The following ANKLE2 variants were observed in gnomAD, a reference collection of about 807,000 sequenced individuals.
The protein encoded by ANKLE2 is ankyrin repeat and LEM domain-containing protein 2.
ANKLE2 carries 55 observed loss-of-function variants against 84.2 expected under a neutral mutation model. The observed-to-expected ratio is 0.65, with a 90% CI of 0.53 to 0.82. The LOEUF (loss-of-function observed/expected upper bound fraction) is 0.82. Among genes scored for constraint, ANKLE2 ranks in the 40% least tolerant of loss-of-function variants. The pLI, the probability that ANKLE2 is intolerant of heterozygous loss-of-function variation, is 0.00. For synonymous variants in ANKLE2, 551 were observed against 486.1 expected (o/e 1.13, Z -1.76); for missense variants, 1,238 against 1,201.9 (o/e 1.03, Z -0.44).
rs542580596 is a variant in ANKLE2, at chr12:132,741,493, A to G, written c.1354-8T>C. The G allele has an allele frequency of 6.8e-6, 11 of 1,607,564 alleles. No homozygotes were observed. Among genetic ancestry groups the G allele is most frequent in the Middle Eastern group, 1.7e-4 (1 of 6,042 alleles). The stretch of plus-strand genomic sequence containing the variant: ...GCTTCTTTCACAAATTACCTATTGG[A>G]AAAAAAAGTGTGTCTAAATCTTATT... On this transcript the variant is annotated splice_polypyrimidine_tract_variant and splice_region_variant and intron_variant, in intron 6 of 12. Transcript: ENST00000357997.
Position 132,729,965 on chromosome 12 carries a change from TC to T in ANKLE2, c.2196del (p.Thr733LeufsTer7). ...EEAHLPPVSD[L>X]TVEFDKLNLQ... is the part of the protein sequence containing the mutation. The stretch of plus-strand genomic sequence containing the variant: ...AAATTCAGTTTATCAAACTCAACAG[TC>T]AAATCCGAGACAGGTGGCAGATGGG... On this transcript the variant is annotated frameshift_variant, in exon 11 of 13. Transcript: ENST00000357997. LOFTEE classifies it high-confidence loss of function. 6.2e-7 allele frequency: 1 copy of T among 1,613,416 alleles called. No homozygotes were observed. Among genetic ancestry groups the T allele is most frequent in the Non-Finnish European group, 8.5e-7 (1 of 1,179,918 alleles).
chr12:132,744,047 T>C (rs1479670922), intron 5 of ANKLE2, among the ~76,000 whole-genome samples: 1 of 152,196 alleles, frequency 6.6e-6, no homozygotes, highest in Non-Finnish European at 1.5e-5. Flanking sequence ...TCTCCGTCCA[T>C]GACGCTGCGT....
chr12:132,732,723 T>C (rs2043903239), intron 10 of ANKLE2, among the ~76,000 whole-genome samples: 4 of 116,862 alleles, frequency 3.4e-5, no homozygotes, highest in Admixed American at 1.7e-4. Flanking sequence ...TGAAGCTCTC[T>C]GCGTCCTGGT....
intron 8 of ANKLE2, 108 bp downstream of exon 8, chr12:132,736,785 A>G: frequency 7.5e-7 from 1 of 1,335,750 alleles, no homozygotes; most frequent in Admixed American, 2.4e-5. Flanking sequence ...TTGGGGCTCC[A>G]CAGGACATGG....
intron 1 of ANKLE2, chr12:132,761,385 G>C: frequency 2.9e-6 from 1 of 339,254 alleles, no homozygotes; most frequent in Middle Eastern, 8.2e-4. Flanking sequence ...GCCCGGGAAA[G>C]CTCTCACCCC....
At chr12:132,752,148 C>CT (rs1035192839) in intron 2 of ANKLE2, among the ~76,000 whole-genome samples, 1 of 150,874 alleles carries the variant, frequency 6.6e-6, no homozygotes, top group African/African-American at 2.4e-5. Context: ...TGAGACCAGC[C>CT]TGACCAACGT....
intron 11 of ANKLE2, among the ~76,000 whole-genome samples, 176 bp from the exon 12 acceptor site, chr12:132,728,339 C>T (rs1246846461): frequency 2.0e-5 from 3 of 152,160 alleles, no homozygotes; most frequent in Non-Finnish European, 2.9e-5. Flanking sequence ...AAGCAATTCT[C>T]TGCCTCAGCC....
intron 3 of ANKLE2, among the ~76,000 whole-genome samples, chr12:132,749,219 G>C (rs773041495): frequency 1.3e-5 from 2 of 152,096 alleles, no homozygotes; most frequent in Non-Finnish European, 2.9e-5. Context: ...GCAGTGGCGC[G>C]ATCTCAGCTC....
chr12:132,740,564 G>A (rs1374608449), intron 7 of ANKLE2, among the ~76,000 whole-genome samples: 1 of 152,074 alleles, frequency 6.6e-6, no homozygotes, highest in Non-Finnish European at 1.5e-5. Context: ...AAGCAGGCAG[G>A]TGGGTGAAAG....
intron 1 of ANKLE2, chr12:132,759,519 A>G (rs1323040002): frequency 7.1e-6 from 1 of 139,868 alleles, no homozygotes; most frequent in East Asian, 2.1e-4. Context: ...GACTATATAT[A>G]TGTATACTAT....
intron 1 of ANKLE2, chr12:132,760,991 G>C (rs2044612476): frequency 6.6e-6 from 1 of 152,296 alleles, no homozygotes; most frequent in Admixed American, 6.5e-5. Context: ...GGGATTTCAA[G>C]AGTTGTATGC....
intron 1 of ANKLE2, chr12:132,757,241 T>C (rs1042673740): frequency 7.9e-5 from 12 of 152,224 alleles, no homozygotes; most frequent in African/African-American, 2.4e-4. Context: ...AAGCAAATAA[T>C]TGGAATACAC....
chr12:132,753,565 A>T (rs2044407297), intron 2 of ANKLE2, among the ~76,000 whole-genome samples: 1 of 152,120 alleles, frequency 6.6e-6, no homozygotes, highest in Admixed American at 6.6e-5. Context: ...GGGGTTCGAG[A>T]CCAGCTTGGC....
At position 132,726,681 on chromosome 12, in the gene ANKLE2, C is replaced by T. The variant is rs1399834695; in HGVS notation, c.*561G>A. The T allele has an allele frequency of 6.6e-6, 1 of 152,484 alleles. No individual in the cohort carries two copies. Among genetic ancestry groups the T allele is most frequent in the African/African-American group, 2.4e-5 (1 of 41,464 alleles). The allele number at this position is 152,484 out of a possible 1,614,324, so 9.4% of individuals were successfully genotyped here. ...GTTGCTGCAAGTCTGAGGCGCGCTC[C>T]TGGCTCCCTGATCCCTGCCGTCCAC... On this transcript the variant is annotated 3_prime_UTR_variant, in exon 13 of 13. Coordinates refer to ENST00000357997, the MANE Select transcript of ANKLE2 (RefSeq NM_015114.3).
chr12:132,730,331 C>T (rs957119378), intron 10 of ANKLE2, 61 bp from the exon 11 acceptor site: 10 of 1,356,720 alleles, frequency 7.4e-6, no homozygotes, highest in East Asian at 2.3e-5. Context: ...GGAGCTGCTC[C>T]GCCCCATCCA....
intron 9 of ANKLE2, chr12:132,734,791 G>A (rs918070381): frequency 2.8e-5 from 15 of 540,088 alleles, no homozygotes; most frequent in Non-Finnish European, 9.6e-6. Flanking sequence ...CAGCTCTCAG[G>A]AGCCGTGAAC....
chr12:132,728,184 A>G (rs533731599), intron 11 of ANKLE2, 21 bp from the exon 12 acceptor site: 3 of 1,603,070 alleles, frequency 1.9e-6, no homozygotes, highest in Non-Finnish European at 2.5e-6. Flanking sequence ...CAATAAAAGA[A>G]GCAAAAACAT....
At chr12:132,751,968 T>C (rs1566034395) in intron 2 of ANKLE2, among the ~76,000 whole-genome samples, 1 of 152,228 alleles carries the variant, frequency 6.6e-6, no homozygotes, top group African/African-American at 2.4e-5. Flanking sequence ...CGTAAATACA[T>C]AAGATATACA....
At position 132,743,531 on chromosome 12, in the gene ANKLE2, T is replaced by C. The variant is rs1368701896; in HGVS notation, c.1231-255A>G. Among the ~76,000 whole-genome samples, 1 of 150,994 alleles carries C rather than the reference T, an allele frequency of 6.6e-6. No homozygotes were observed. Among genetic ancestry groups the C allele is most frequent in the African/African-American group, 2.4e-5 (1 of 41,012 alleles). On this transcript the variant is annotated intron_variant, in intron 5 of 12. Coordinates refer to ENST00000357997, the MANE Select transcript of ANKLE2 (RefSeq NM_015114.3). This position sits in a 1 kb window ranked among gnomAD's most constrained non-coding sequence, Gnocchi z 4.1. ...TTTTTTTTTTTTTTTTAATATTTAG[T>C]AGAGATGGGGTTTCACCATATTGGT...
Sources: allele counts gnomAD v4.1 joint callset (sites outside exome capture counted in the v4.1 genomes callset), GRCh38; gene constraint gnomAD v4.1.1; non-coding constraint Gnocchi (gnomAD v3.1); transcripts MANE v1.5; gene names NCBI Gene and HGNC (gene_info 2026-07-23, HGNC 2026-07-21).